Variants in PIK3AP1 observed in about 807,000 individuals in gnomAD.
PIK3AP1 encodes the protein phosphoinositide 3-kinase adapter protein 1.
PIK3AP1 carries 21 observed loss-of-function variants against 88.1 expected under a neutral mutation model. The ratio of observed to expected loss-of-function variants is 0.24; its 90% CI spans 0.17 to 0.34. PIK3AP1 has a LOEUF of 0.34. Ranked by LOEUF, PIK3AP1 falls within the 10% of genes least tolerant of loss-of-function variation. The pLI is 1.00. For missense variants in PIK3AP1, 828 were observed against 1,035.7 expected, an observed-to-expected ratio of 0.80 and a Z score of 2.75; for synonymous variants, 398 against 400.0, an observed-to-expected ratio of 1.00 and a Z score of 0.06.
chr10:96,637,433 G>A (rs924207987), intron 8 of PIK3AP1, among the ~76,000 whole-genome samples: 5 of 151,494 alleles, frequency 3.3e-5, no homozygotes, highest in East Asian at 1.9e-4. Context: ...GTGCAATCAC[G>A]GCCCACTGCA....
At chr10:96,715,008 C>T (rs999625611) in intron 1 of PIK3AP1, among the ~76,000 whole-genome samples, 2 of 146,926 alleles carry the variant, frequency 1.4e-5, no homozygotes, top group South Asian at 4.4e-4. Flanking sequence ...GAGTTCTTTC[C>T]AAAGAGCACA....
chr10:96,650,207 G>T (rs1276573937), intron 6 of PIK3AP1, among the ~76,000 whole-genome samples: 1 of 152,178 alleles, frequency 6.6e-6, no homozygotes, highest in South Asian at 2.1e-4. Context: ...CAATACGAAA[G>T]AGAGTCCCCC....
At chr10:96,671,508 T>G (rs939381952) in intron 2 of PIK3AP1, among the ~76,000 whole-genome samples, 4 of 151,754 alleles carry the variant, frequency 2.6e-5, no homozygotes, top group African/African-American at 9.7e-5. Flanking sequence ...CAAAGTCACA[T>G]ACAGTCATCA....
At chr10:96,631,199 A>G (rs1843240270) in intron 8 of PIK3AP1, among the ~76,000 whole-genome samples, 3 of 152,172 alleles carry the variant, frequency 2.0e-5, no homozygotes, top group African/African-American at 7.2e-5. Context: ...AGGCCCCAGC[A>G]TCTCCAAGAA....
chr10:96,619,471 G>C (rs74502666), intron 12 of PIK3AP1: 1 of 152,322 alleles, frequency 6.6e-6, no homozygotes, highest in African/African-American at 2.4e-5. Flanking sequence ...GAAGCAGCCT[G>C]GGGAGGTGGA....
Position 96,595,440 on chromosome 10 carries a change from G to T in PIK3AP1, c.*137C>A. ...CTTCGAGGCAAGCCCAAACCAGCAG[G>T]GCTGCAGCATTATCAGCAATGAGAA... On this transcript the variant is annotated 3_prime_UTR_variant, in exon 17 of 17. Coordinates refer to ENST00000339364, the MANE Select transcript of PIK3AP1 (RefSeq NM_152309.3). 1.0e-6 allele frequency: 1 copy of T among 967,426 alleles called. No homozygotes were observed. The allele number at this position is 967,426 out of a possible 1,614,324, so 59.9% of individuals were successfully genotyped here.
At chr10:96,598,991 A>G (rs1848833691) in intron 16 of PIK3AP1, among the ~76,000 whole-genome samples, 1 of 152,244 alleles carries the variant, frequency 6.6e-6, no homozygotes, top group South Asian at 2.1e-4. Flanking sequence ...AGGCAATGGC[A>G]TCATCAGCTA....
At chr10:96,648,978 G>C in intron 6 of PIK3AP1, 123 bp from the exon 7 acceptor site, 1 of 756,836 alleles carries the variant, frequency 1.3e-6, no homozygotes, top group South Asian at 2.1e-5. Flanking sequence ...ATTACTTATT[G>C]ATTGACTGAC....
intron 13 of PIK3AP1, among the ~76,000 whole-genome samples, chr10:96,611,846 A>G (rs1242896311): frequency 6.6e-6 from 1 of 152,182 alleles, no homozygotes; most frequent in Non-Finnish European, 1.5e-5. Flanking sequence ...AACTAGTTCT[A>G]TAAAGAAGGA....
intron 8 of PIK3AP1, among the ~76,000 whole-genome samples, chr10:96,641,612 A>G (rs920261450): frequency 3.9e-5 from 6 of 152,188 alleles, no homozygotes; most frequent in African/African-American, 1.4e-4. Context: ...CAGACCCTAG[A>G]AGGGCAGGCC....
chr10:96,698,967 C>T (rs947314090), intron 2 of PIK3AP1, among the ~76,000 whole-genome samples: 2 of 152,140 alleles, frequency 1.3e-5, no homozygotes, highest in East Asian at 1.9e-4. Flanking sequence ...CACCTGAGGT[C>T]GGGAGTTTGA....
intron 2 of PIK3AP1, among the ~76,000 whole-genome samples, chr10:96,661,941 A>C (rs1488099646): frequency 6.6e-6 from 1 of 152,252 alleles, no homozygotes; most frequent in Non-Finnish European, 1.5e-5. Flanking sequence ...ATTTAGATGG[A>C]TTAGAGATTA....
At chr10:96,681,078 C>A (rs942772535) in intron 2 of PIK3AP1, among the ~76,000 whole-genome samples, 10 of 152,140 alleles carry the variant, frequency 6.6e-5, no homozygotes, top group Admixed American at 5.9e-4. Context: ...GGCCACAAGT[C>A]CAAGATCAAG....
chr10:96,616,114 C>T (rs1163664024), intron 13 of PIK3AP1, among the ~76,000 whole-genome samples: 5 of 152,110 alleles, frequency 3.3e-5, no homozygotes, highest in Middle Eastern at 3.2e-3. Flanking sequence ...TTAAGGGGAG[C>T]GGGGGCCCAG....
At chr10:96,602,252 A>G (rs750734162) in intron 16 of PIK3AP1, 28 bp downstream of exon 16, 3 of 1,544,154 alleles carry the variant, frequency 1.9e-6, no homozygotes, top group Admixed American at 1.8e-5. Flanking sequence ...GAGATAAGGG[A>G]AAAATTTCAT....
intron 2 of PIK3AP1, among the ~76,000 whole-genome samples, chr10:96,670,483 A>AC (rs954038561): frequency 3.7e-4 from 57 of 152,272 alleles, no homozygotes; most frequent in African/African-American, 1.3e-3. Context: ...TACTGGAGAG[A>AC]CCACACAGGA....
intron 11 of PIK3AP1, 87 bp from the exon 12 acceptor site, chr10:96,620,644 G>A: frequency 8.8e-7 from 1 of 1,138,230 alleles, no homozygotes; most frequent in Non-Finnish European, 1.3e-6. Context: ...CTGGTCACAG[G>A]CTCAAGAGGA....
Position 96,609,825 on chromosome 10 carries a change from G to C in PIK3AP1, c.2057C>G (p.Pro686Arg), listed in dbSNP as rs1469570174. Reference protein sequence around the residue: ...TVPIRHSQHLPAKVEFGVYES... With the variant: ...TVPIRHSQHLRAKVEFGVYES... ...ATAGACTCCAAACTCCACTTTTGCAGGCAGGTGCTGTGAGTGCCGAATTGG... is the reference window on the plus strand; with the variant it reads ...ATAGACTCCAAACTCCACTTTTGCACGCAGGTGCTGTGAGTGCCGAATTGG... Residue 686 changes from proline (P) to arginine (R), a missense_variant, in exon 14 of 17, where the codon CCT (proline) becomes CGT (arginine). Physicochemically the swap from Pro to Arg is moderately radical, Grantham distance 103. Coordinates refer to ENST00000339364, the MANE Select transcript of PIK3AP1 (RefSeq NM_152309.3). 6.2e-7 allele frequency: 1 copy of C among 1,614,150 alleles called. No individual in the cohort carries two copies.
rs1247054082 is a variant in PIK3AP1 at position 96,720,503 on chromosome 10, G to T, written c.-109C>A. ...GGGGCGCCGGGCTCCGCGCGGGACC[G>T]GCCGCCGCTCTGGCGCTTCCTCCCT... On this transcript the variant is annotated 5_prime_UTR_variant, in exon 1 of 17. Transcript: ENST00000339364. The surrounding 1 kb of genome is among the most constrained non-coding windows in gnomAD (Gnocchi z 4.6). The T allele has an allele frequency of 8.7e-6, 9 of 1,033,198 alleles. No individual in the cohort carries two copies. Among genetic ancestry groups the T allele is most frequent in the Non-Finnish European group, 1.1e-5 (9 of 820,738 alleles). 64.0% of individuals were successfully genotyped at this position (1,033,198 alleles called of 1,614,324 possible).
Sources: gnomAD v4.1 joint callset for allele counts (sites outside exome capture counted in the v4.1 genomes callset) on GRCh38, gnomAD v4.1.1 for gene constraint, Gnocchi (gnomAD v3.1) non-coding constraint, MANE v1.5 for transcripts, NCBI Gene and HGNC (gene_info 2026-07-23, HGNC 2026-07-21) for gene names.